The following PCLO variants were observed in gnomAD, a reference collection of about 807,000 sequenced individuals.
PCLO encodes protein piccolo.
In PCLO, 82 loss-of-function variants were observed where a neutral mutation model predicts 427.5. The observed-to-expected ratio is 0.19, with a 90% CI of 0.16 to 0.23. The LOEUF is 0.23. Among genes scored for constraint, PCLO ranks in the 10% least tolerant of loss-of-function variants. The pLI, the probability that PCLO is intolerant of heterozygous loss-of-function variation, is 1.00. For missense variants in PCLO, 6,239 were observed against 6,115.9 expected (o/e 1.02, Z -0.67); for synonymous variants, 2,357 against 2,155.4 (o/e 1.09, Z -2.59).
At chr7:82,838,052 T>A (rs1193833945) in intron 15 of PCLO, among the ~76,000 whole-genome samples, 166 bp downstream of exon 15, 1 of 151,990 alleles carries the variant, frequency 6.6e-6, no homozygotes, top group Admixed American at 6.6e-5. Flanking sequence ...TTACAAGTTT[T>A]TAATTCCACC....
chr7:82,990,153 G>A (rs1386592247), intron 3 of PCLO, among the ~76,000 whole-genome samples: 25 of 152,106 alleles, frequency 1.6e-4, no homozygotes, highest in Non-Finnish European at 2.9e-5. Context: ...GGAGTTGAGG[G>A]CAAGACCCAG....
At chr7:82,875,723 T>G (rs567391021) in intron 10 of PCLO, among the ~76,000 whole-genome samples, 3 of 152,228 alleles carry the variant, frequency 2.0e-5, no homozygotes, top group African/African-American at 7.2e-5. Flanking sequence ...TAGCCTGATT[T>G]GATCATTCCA....
At chr7:82,837,365 C>T (rs1377164436) in intron 15 of PCLO, among the ~76,000 whole-genome samples, 5 of 151,872 alleles carry the variant, frequency 3.3e-5, no homozygotes, top group African/African-American at 1.2e-4. Flanking sequence ...TATCACTCCA[C>T]AAATTAAAAT....
intron 3 of PCLO, among the ~76,000 whole-genome samples, chr7:82,985,269 T>C (rs1796233064): frequency 6.6e-6 from 1 of 152,076 alleles, no homozygotes. Flanking sequence ...TGTTCTGTTT[T>C]AGTCACAGAG....
At chr7:82,836,256 CAAT>C (rs1792230871) in intron 15 of PCLO, among the ~76,000 whole-genome samples, 1 of 152,092 alleles carries the variant, frequency 6.6e-6, no homozygotes, top group Non-Finnish European at 1.5e-5. Flanking sequence ...ATATAAACAA[CAAT>C]GCTTTATTTT....
Position 83,053,998 on chromosome 7 carries a change from C to A in PCLO, c.3300+80252G>T, listed in dbSNP as rs534225163. Reference sequence around the variant, plus strand: ...CCATTAATCATGTACCACAAAAGAACAGAGACACTTGCAGCCATTGCTTGT... The same window carrying A: ...CCATTAATCATGTACCACAAAAGAAAAGAGACACTTGCAGCCATTGCTTGT... On this transcript the variant is annotated intron_variant, in intron 3 of 24. Transcript: ENST00000333891. 3.3e-5 allele frequency among the ~76,000 whole-genome samples: 5 copies of A among 151,960 alleles called. No homozygotes were observed. In the South Asian group the frequency reaches 1.0e-3, roughly 32 times the overall value.
chr7:83,114,242 C>T (rs1230637760), intron 3 of PCLO, among the ~76,000 whole-genome samples: 4 of 152,026 alleles, frequency 2.6e-5, no homozygotes, highest in Admixed American at 2.6e-4. Context: ...CCTGGGGATT[C>T]ATATTCTGCA....
intron 9 of PCLO, among the ~76,000 whole-genome samples, chr7:82,896,674 A>G (rs1327491656): frequency 5.3e-5 from 7 of 132,274 alleles, no homozygotes; most frequent in African/African-American, 1.4e-4. Flanking sequence ...TAAAATAATA[A>G]TAATAATAAT....
Position 82,966,067 on chromosome 7 carries a change from G to T in PCLO, c.3721C>A (p.Pro1241Thr), listed in dbSNP as rs1795763186. The T allele has an allele frequency of 6.2e-7, 1 of 1,612,950 alleles. No homozygotes were observed. The highest frequency in any genetic ancestry group is 1.7e-5 in the Admixed American group (1 of 59,826). Residue 1241 changes from proline to threonine, a missense_variant, in exon 4 of 25, where the codon CCA becomes ACA. By Grantham distance (38) the Pro-to-Thr change is conservative (BLOSUM62 -1). Around this residue, in one of 5 missense-constraint regions of PCLO, gnomAD observed 4,677 missense variants for 4,468.4 expected, o/e 1.05. Coordinates refer to ENST00000333891, the MANE Select transcript of PCLO (RefSeq NM_033026.6). ...AGTAGCTTTTTGTCTTCAGGGGTTGGCTTTTTTTCTTCTAGGAGTGGCTTT... is the reference window on the plus strand; with the variant it reads ...AGTAGCTTTTTGTCTTCAGGGGTTGTCTTTTTTTCTTCTAGGAGTGGCTTT... Reference protein sequence around the residue: ...EKKPLLEEKKPTPEDKKLLPE... With the variant: ...EKKPLLEEKKTTPEDKKLLPE...
At chr7:83,102,428 C>A (rs1046242858) in intron 3 of PCLO, among the ~76,000 whole-genome samples, 2 of 151,918 alleles carry the variant, frequency 1.3e-5, no homozygotes, top group Admixed American at 1.3e-4. Context: ...TATTATATTT[C>A]ATGTCTTTTA....
chr7:83,128,860 A>G (rs1791505211), intron 3 of PCLO, among the ~76,000 whole-genome samples: 2 of 152,150 alleles, frequency 1.3e-5, no homozygotes, highest in African/African-American at 2.4e-5. Flanking sequence ...GCTGGAAAAA[A>G]CAATTGCACA....
At chr7:83,027,167 G>A (rs2116105802) in intron 3 of PCLO, among the ~76,000 whole-genome samples, 1 of 135,954 alleles carries the variant, frequency 7.4e-6, no homozygotes, top group Non-Finnish European at 1.6e-5. Flanking sequence ...GAATCCAGGA[G>A]CTGGTTTTTT....
In PCLO at chr7:83,003,667, C is replaced by T. The variant is rs567568379; in HGVS notation, c.3301-37180G>A. On this transcript the variant is annotated intron_variant, in intron 3 of 24. Transcript: ENST00000333891. ...CACTTATTGATTTGCATATGTTGCA[C>T]CATCTTTGCATCCTAAGGATAAATC... Among the ~76,000 whole-genome samples, 2 of 151,976 alleles carry T rather than the reference C, an allele frequency of 1.3e-5. 1 individual carries two copies. The highest frequency in any genetic ancestry group is 4.8e-5 in the African/African-American group (2 of 41,510).
intron 22 of PCLO, among the ~76,000 whole-genome samples, chr7:82,780,764 T>C (rs528921591): frequency 2.0e-5 from 3 of 152,348 alleles, no homozygotes; most frequent in African/African-American, 7.2e-5. Context: ...AGCCCACATA[T>C]GTCTGACATT....
intron 24 of PCLO, among the ~76,000 whole-genome samples, chr7:82,759,520 C>T (rs968542402): frequency 2.2e-4 from 33 of 152,012 alleles, no homozygotes; most frequent in South Asian, 2.1e-4. Flanking sequence ...TTCGGACAAA[C>T]TATTGGTCTT....
chr7:82,966,260 T>C lies in PCLO; in HGVS notation c.3528A>G (p.Val1176=). 1 of 1,612,376 alleles carries C rather than the reference T, an allele frequency of 6.2e-7. No homozygotes were observed. Among genetic ancestry groups the C allele is most frequent in the Non-Finnish European group, 8.5e-7 (1 of 1,179,512 alleles). ...TTTTTTCCATTGATAGTGTTTCCTTTACTTTTTCCAGAATGACTTTTTCAG... is the reference window on the plus strand; with the variant it reads ...TTTTTTCCATTGATAGTGTTTCCTTCACTTTTTCCAGAATGACTTTTTCAG... The part of the protein sequence containing the change: ...TEAEKVILEK[V]KETLSMEKIP... Residue 1176 remains valine (V), a synonymous_variant, in exon 4 of 25, where the codon GTA becomes GTG. Transcript: ENST00000333891.
At chr7:82,822,033 T>C (rs1173293132) in intron 20 of PCLO, 1 of 992,912 alleles carries the variant, frequency 1.0e-6, no homozygotes, top group African/African-American at 1.7e-5. Context: ...GCCTAGACTT[T>C]TTGAGTGTTT....
At chr7:82,842,261 A>G (rs1310112210) in intron 13 of PCLO, among the ~76,000 whole-genome samples, 1 of 152,114 alleles carries the variant, frequency 6.6e-6, no homozygotes, top group Non-Finnish European at 1.5e-5. Context: ...ATTGACTTTC[A>G]GCAAAGATGT....
At chr7:82,795,847 T>C (rs1791212153) in intron 22 of PCLO, among the ~76,000 whole-genome samples, 2 of 152,200 alleles carry the variant, frequency 1.3e-5, no homozygotes, top group Admixed American at 1.3e-4. Flanking sequence ...TAAGAAAATA[T>C]TCTTGGCTTA....
Sources: allele counts gnomAD v4.1 joint callset (sites outside exome capture counted in the v4.1 genomes callset), GRCh38; gene constraint gnomAD v4.1.1; regional missense constraint gnomAD v4.1.1; transcripts MANE v1.5; gene names NCBI Gene and HGNC (gene_info 2026-07-23, HGNC 2026-07-21).